Variants in C14orf39 observed in about 807,000 individuals in gnomAD.
C14orf39 encodes the protein protein SIX6OS1.
A neutral mutation model predicts 85.6 loss-of-function variants in C14orf39; 66 were observed. The ratio of observed to expected loss-of-function variants is 0.77; its 90% CI spans 0.63 to 0.95. The LOEUF is 0.95. Ranked by LOEUF, C14orf39 falls within the 40% of genes least tolerant of loss-of-function variation. The pLI is 0.00. For synonymous variants in C14orf39, 242 were observed against 214.0 expected, an observed-to-expected ratio of 1.13 and a Z score of -1.14; for missense variants, 735 against 663.9, an observed-to-expected ratio of 1.11 and a Z score of -1.18.
intron 5 of C14orf39, among the ~76,000 whole-genome samples, chr14:60,472,485 T>C (rs1355044937): frequency 6.6e-6 from 1 of 152,172 alleles, no homozygotes; most frequent in African/African-American, 2.4e-5. Flanking sequence ...TGTGCCATGT[T>C]GGTGTGCTGC....
rs1280854299 is a variant in C14orf39 at position 60,436,341 on chromosome 14, T to C, written c.*504A>G. 4 of 152,196 alleles carry C rather than the reference T, an allele frequency of 2.6e-5. No homozygotes were observed. The highest frequency in any genetic ancestry group is 9.7e-5 in the African/African-American group (4 of 41,444). The allele number at this position is 152,196 out of a possible 1,614,324, so 9.4% of individuals were successfully genotyped here. On this transcript the variant is annotated 3_prime_UTR_variant, in exon 18 of 18. Transcript: ENST00000321731. ...GAAGAAAATAACACAGATTTTGTTA[T>C]TAACATAAATTATTTGAAATTATTA...
At chr14:60,504,919 T>G (rs1484780615) in intron 1 of C14orf39, among the ~76,000 whole-genome samples, 1 of 152,208 alleles carries the variant, frequency 6.6e-6, no homozygotes, top group East Asian at 1.9e-4. Context: ...TAATTAATCA[T>G]CACTGTGAAG....
At chr14:60,445,036 C>G (rs1490363480) in intron 16 of C14orf39, among the ~76,000 whole-genome samples, 3 of 152,066 alleles carry the variant, frequency 2.0e-5, no homozygotes, top group East Asian at 3.8e-4. Context: ...TTTGTCACCA[C>G]CAGGCCTGCC....
chr14:60,477,155 T>C (rs1361378221), intron 5 of C14orf39, among the ~76,000 whole-genome samples: 1 of 152,080 alleles, frequency 6.6e-6, no homozygotes, highest in African/African-American at 2.4e-5. Flanking sequence ...ACAAGACAAG[T>C]CTCCTTCACT....
At chr14:60,476,616 A>G (rs1380108735) in intron 5 of C14orf39, among the ~76,000 whole-genome samples, 4 of 152,216 alleles carry the variant, frequency 2.6e-5, no homozygotes, top group Non-Finnish European at 5.9e-5. Flanking sequence ...GTCCTCTATA[A>G]CAAACACTGT....
upstream of C14orf39, among the ~76,000 whole-genome samples, chr14:60,490,154 T>C (rs898355202): frequency 6.6e-6 from 1 of 152,176 alleles, no homozygotes; most frequent in African/African-American, 2.4e-5. Flanking sequence ...AGGCCTTTTT[T>C]CATCTGTACT....
chr14:60,480,986 T>C lies in C14orf39; in HGVS notation c.234-2597A>G, dbSNP rs561883995. On this transcript the variant is annotated intron_variant, in intron 4 of 17. Coordinates refer to ENST00000321731, the MANE Select transcript of C14orf39 (RefSeq NM_174978.3). ...GAAAAAATGGGGAAAGGGAAGATGT[T>C]GATCAAAGAACACAAAGTTTAAGTT... is the stretch of plus-strand genomic sequence containing the variant. 4.6e-5 allele frequency among the ~76,000 whole-genome samples: 7 copies of C among 152,194 alleles called. No homozygotes were observed. In the South Asian group the frequency reaches 1.2e-3, roughly 27 times the overall value.
At chr14:60,509,348 T>C in intron 1 of C14orf39, 3 of 1,516,828 alleles carry the variant, frequency 2.0e-6, no homozygotes, top group Non-Finnish European at 2.7e-6. Context: ...GGGCATCTGC[T>C]GCGTGTCCCG....
intron 5 of C14orf39, among the ~76,000 whole-genome samples, chr14:60,473,147 G>A (rs190386258): frequency 3.9e-5 from 6 of 152,254 alleles, no homozygotes; most frequent in South Asian, 2.1e-4. Flanking sequence ...TCATTTCTCC[G>A]ATGGCCAGTG....
Position 60,456,985 on chromosome 14 carries a change from A to C in C14orf39, c.1290T>G (p.Thr430=), listed in dbSNP as rs753179285. The change falls in exon 15 of 18, where the codon ACT becomes ACG. Residue 430 remains threonine (T), a synonymous_variant. Coordinates refer to ENST00000321731, the MANE Select transcript of C14orf39 (RefSeq NM_174978.3). ...RTSEIPIFLG[T]PKAVKAPESL... ...ACTCAGGTGCTTTCACAGCTTTGGG[A>C]GTTCCTAAAAATATAGGAATTTCAG... 1 of 1,611,086 alleles carries C rather than the reference A, an allele frequency of 6.2e-7. No individual in the cohort carries two copies. The highest frequency in any genetic ancestry group is 8.5e-7 in the Non-Finnish European group (1 of 1,178,582).
At chr14:60,465,917 T>A in intron 11 of C14orf39, 62 bp downstream of exon 11, 18 of 822,412 alleles carry the variant, frequency 2.2e-5, no homozygotes, top group Non-Finnish European at 3.3e-5. Flanking sequence ...GGGCAGTACA[T>A]TCATTATTAC....
At chr14:60,441,387 C>T (rs1399968096) in intron 17 of C14orf39, among the ~76,000 whole-genome samples, 1 of 152,100 alleles carries the variant, frequency 6.6e-6, no homozygotes, top group African/African-American at 2.4e-5. Context: ...TGGTGATCCT[C>T]TCAATGAAAC....
chr14:60,493,617 T>C (rs1242604868), intron 2 of C14orf39: 2 of 152,218 alleles, frequency 1.3e-5, no homozygotes, highest in Non-Finnish European at 2.9e-5. Context: ...TGTATTTGTG[T>C]TGGTATAAAT....
chr14:60,496,188 G>A (rs564116760), intron 2 of C14orf39: 123 of 439,738 alleles, frequency 2.8e-4, no homozygotes, highest in South Asian at 2.0e-3. Flanking sequence ...TGTGAGTACA[G>A]GAGATTCACA....
At chr14:60,469,491 T>C (rs575154657) in intron 8 of C14orf39, 42 bp downstream of exon 8, 3 of 862,542 alleles carry the variant, frequency 3.5e-6, no homozygotes, top group East Asian at 3.1e-5. Flanking sequence ...ATTATACTTA[T>C]ACATTAATAC....
chr14:60,447,763 T>A (rs1021419989), intron 16 of C14orf39, among the ~76,000 whole-genome samples: 8 of 152,202 alleles, frequency 5.3e-5, no homozygotes, highest in Admixed American at 4.6e-4. Flanking sequence ...AGACCAAAGC[T>A]GGAGGCATCA....
At chr14:60,440,980 T>A (rs1403847235) in intron 17 of C14orf39, among the ~76,000 whole-genome samples, 1 of 152,158 alleles carries the variant, frequency 6.6e-6, no homozygotes, top group African/African-American at 2.4e-5. Flanking sequence ...CCAATCCAAG[T>A]ATTCCCTATT....
At chr14:60,459,416 T>C (rs1460974209) in intron 13 of C14orf39, among the ~76,000 whole-genome samples, 2 of 151,664 alleles carry the variant, frequency 1.3e-5, no homozygotes, top group Non-Finnish European at 3.0e-5. Flanking sequence ...CTATGAGGTA[T>C]GGGGTATGTA....
At position 60,447,773 on chromosome 14, in the gene C14orf39, A is replaced by C. The variant is rs139626447; in HGVS notation, c.1504-5642T>G. Among the ~76,000 whole-genome samples the C allele has an allele frequency of 7.1e-3, 1,080 of 152,330 alleles. 10 individuals are homozygous for C. Among genetic ancestry groups the C allele is most frequent in the South Asian group, 0.013 (63 of 4,826 alleles). ...CAAAAAGACCAAAGCTGGAGGCATC[A>C]CACTACCTGACTTCAAACTATACTA... is the stretch of plus-strand genomic sequence containing the variant. On this transcript the variant is annotated intron_variant, in intron 16 of 17. Transcript: ENST00000321731.
Sources: gnomAD v4.1 joint callset for allele counts (sites outside exome capture counted in the v4.1 genomes callset) on GRCh38, gnomAD v4.1.1 for gene constraint, MANE v1.5 for transcripts, NCBI Gene and HGNC (gene_info 2026-07-23, HGNC 2026-07-21) for gene names.